The following CD82 variants were observed in gnomAD, a reference collection of about 807,000 sequenced individuals.
CD82 encodes the protein CD82 molecule.
Under a neutral mutation model 37.4 loss-of-function variants are expected in CD82, and 36 were observed. The observed-to-expected ratio is 0.96, with a 90% CI of 0.74 to 1.27. CD82 has a LOEUF of 1.27. Among genes scored for constraint, CD82 ranks in the 50% most tolerant of loss-of-function variants. The pLI is 0.00. For synonymous variants in CD82, 158 were observed against 137.4 expected (o/e 1.15, Z -1.05); for missense variants, 340 against 347.0 (o/e 0.98, Z 0.16).
chr11:44,616,037 G>A (rs144526263), intron 7 of CD82, among the ~76,000 whole-genome samples: 60 of 152,222 alleles, frequency 3.9e-4, no homozygotes, highest in African/African-American at 1.4e-3. Flanking sequence ...TTGTGGTCCC[G>A]GATGCTGCAT....
chr11:44,617,354 G>A (rs113356119), intron 7 of CD82, among the ~76,000 whole-genome samples: 1 of 151,996 alleles, frequency 6.6e-6, no homozygotes, highest in Non-Finnish European at 1.5e-5. Flanking sequence ...AGGTCAGGAG[G>A]TCAAGACCAG....
intron 7 of CD82, among the ~76,000 whole-genome samples, chr11:44,617,847 C>T (rs532768728): frequency 1.3e-4 from 20 of 152,310 alleles, no homozygotes; most frequent in Middle Eastern, 3.4e-3. Context: ...AGCTGGTAGG[C>T]GGCAGGGCTG....
In CD82 at chr11:44,619,419, A is replaced by G. The variant is rs924932967; in HGVS notation, c.*293A>G. The G allele has an allele frequency of 4.2e-5, 19 of 450,694 alleles. No individual in the cohort carries two copies. In the Admixed American group the frequency reaches 4.9e-4, roughly 12 times the overall value. The allele number at this position is 450,694 out of a possible 1,614,324, so 27.9% of individuals were successfully genotyped here. A position where few individuals can be genotyped will look rare whatever the true frequency, so the allele number is the denominator to read the frequency against. On this transcript the variant is annotated 3_prime_UTR_variant, in exon 10 of 10. Coordinates refer to ENST00000227155, the MANE Select transcript of CD82 (RefSeq NM_002231.4). Reference sequence around the variant, plus strand: ...CCTGGCGCAGGTGGGCTGGACTTCTACCTGCCCTCAAGGGTGTGTATATTG... The same window carrying G: ...CCTGGCGCAGGTGGGCTGGACTTCTGCCTGCCCTCAAGGGTGTGTATATTG...
At chr11:44,571,561 G>A (rs1396315754) in intron 1 of CD82, among the ~76,000 whole-genome samples, 1 of 152,084 alleles carries the variant, frequency 6.6e-6, no homozygotes, top group African/African-American at 2.4e-5. Context: ...GCTGCTTTTG[G>A]TAGTGTTTTA....
rs749604557 is a variant in CD82 at position 44,618,376 on chromosome 11, G to A, written c.642+11G>A. 1.6e-5 allele frequency: 26 copies of A among 1,610,102 alleles called. No individual in the cohort carries two copies. The highest frequency in any genetic ancestry group is 1.3e-5 in the African/African-American group (1 of 74,984). ...CCTGTGTACCAGGAGGTGTGCGGGG[G>A]GCTGCGGATCGGGGGCGGGGCTCCG... is the stretch of plus-strand genomic sequence containing the variant. On this transcript the variant is annotated intron_variant, in intron 8 of 9. Transcript: ENST00000227155.
At chr11:44,596,961 G>A (rs1050841953) in intron 3 of CD82, 18 of 456,132 alleles carry the variant, frequency 3.9e-5, no homozygotes, top group African/African-American at 3.4e-4. Flanking sequence ...TCTTGGCCTG[G>A]TCATGGAGGT....
chr11:44,592,940 T>G (rs1853166680), intron 2 of CD82, among the ~76,000 whole-genome samples: 1 of 152,192 alleles, frequency 6.6e-6, no homozygotes, highest in Admixed American at 6.5e-5. Flanking sequence ...CCAGGCAGCT[T>G]TTTCCTAACT....
chr11:44,612,623 ATTTT>A (rs34301171), intron 6 of CD82, among the ~76,000 whole-genome samples: 8 of 63,076 alleles, frequency 1.3e-4, no homozygotes, highest in African/African-American at 3.5e-4. Context: ...CCCAGCATTA[ATTTT>A]TTTTTTTTTT....
chr11:44,589,049 G>C (rs10838311), intron 2 of CD82, among the ~76,000 whole-genome samples: 10,016 of 152,302 alleles, frequency 0.066, 413 homozygotes, highest in Middle Eastern at 0.15. Flanking sequence ...CTGAGGTTAA[G>C]AGTTCAAGAC....
intron 4 of CD82, among the ~76,000 whole-genome samples, chr11:44,603,552 G>A (rs1057415561): frequency 2.0e-5 from 3 of 152,140 alleles, no homozygotes; most frequent in African/African-American, 4.8e-5. Flanking sequence ...CGTCTTGGTC[G>A]GGTTGTAACG....
intron 6 of CD82, 60 bp downstream of exon 6, chr11:44,605,489 G>T: frequency 6.7e-7 from 1 of 1,496,844 alleles, no homozygotes; most frequent in Non-Finnish European, 9.3e-7. Context: ...GTGATTGACT[G>T]AGTGTGGGGG....
At chr11:44,618,471 A>G in intron 8 of CD82, 106 bp downstream of exon 8, 6 of 1,101,748 alleles carry the variant, frequency 5.4e-6, no homozygotes, top group Non-Finnish European at 2.7e-6. Context: ...CCCTTAATTC[A>G]TCTGTCATTT....
chr11:44,603,887 T>C (rs1398903685), intron 4 of CD82, among the ~76,000 whole-genome samples: 1 of 152,190 alleles, frequency 6.6e-6, no homozygotes, highest in African/African-American at 2.4e-5. Context: ...TCTTTCTTGC[T>C]CTCACTGGTC....
Position 44,619,176 on chromosome 11 carries a change from C to A in CD82, c.*50C>A. 1.4e-6 allele frequency: 2 copies of A among 1,463,496 alleles called. No homozygotes were observed. Among genetic ancestry groups the A allele is most frequent in the Non-Finnish European group, 1.9e-6 (2 of 1,042,584 alleles). The allele number at this position is 1,463,496 out of a possible 1,614,324, so 90.7% of individuals were successfully genotyped here. A position where few individuals can be genotyped will look rare whatever the true frequency, so the allele number is the denominator to read the frequency against. On this transcript the variant is annotated 3_prime_UTR_variant, in exon 10 of 10. Coordinates refer to ENST00000227155, the MANE Select transcript of CD82 (RefSeq NM_002231.4). ...GCCTGGCCCCCAACCTCAGGGCTCC[C>A]AGGGGTCTCCCTGGCTCCCTCCTCC...
chr11:44,593,816 G>C (rs1187015816), intron 2 of CD82, among the ~76,000 whole-genome samples: 1 of 152,008 alleles, frequency 6.6e-6, no homozygotes, highest in Non-Finnish European at 1.5e-5. Flanking sequence ...TGAATTTTTT[G>C]GGGGACTCTG....
chr11:44,605,538 A>G (rs1853381953), intron 6 of CD82, 109 bp downstream of exon 6: 3 of 984,118 alleles, frequency 3.0e-6, no homozygotes, highest in South Asian at 1.4e-5. Context: ...AGACAGATCC[A>G]GTAGGTGTCA....
intron 2 of CD82, among the ~76,000 whole-genome samples, chr11:44,588,572 C>T (rs910400688): frequency 2.0e-5 from 3 of 152,142 alleles, no homozygotes; most frequent in Non-Finnish European, 2.9e-5. Flanking sequence ...AAGTGAGGCT[C>T]AGAGAGGTTA....
At chr11:44,611,128 C>A (rs1210623305) in intron 6 of CD82, among the ~76,000 whole-genome samples, 1 of 152,198 alleles carries the variant, frequency 6.6e-6, no homozygotes, top group Non-Finnish European at 1.5e-5. Flanking sequence ...AGCCACCACG[C>A]CCAGCTGAAA....
chr11:44,582,365 G>A (rs1317396782), intron 1 of CD82, among the ~76,000 whole-genome samples: 1 of 152,198 alleles, frequency 6.6e-6, no homozygotes, highest in East Asian at 1.9e-4. Context: ...CATGCCTCAA[G>A]GGACAATCTT....
Sources: gnomAD v4.1 joint callset for allele counts (sites outside exome capture counted in the v4.1 genomes callset) on GRCh38, gnomAD v4.1.1 for gene constraint, MANE v1.5 for transcripts, NCBI Gene and HGNC (gene_info 2026-07-23, HGNC 2026-07-21) for gene names.